The following XXYLT1 variants were observed in gnomAD, a reference collection of about 807,000 sequenced individuals.
The protein encoded by XXYLT1 is xyloside xylosyltransferase 1, also known as UDP-xylose:alpha-xyloside alpha-1,3-xylosyltransferase.
A neutral mutation model predicts 28.9 loss-of-function variants in XXYLT1; 20 were observed. The ratio of observed to expected loss-of-function variants is 0.69; its 90% CI spans 0.49 to 1.00. The LOEUF is 1.00. XXYLT1 is among the 50% of genes least tolerant of loss of function. XXYLT1 has a pLI of 0.00. For synonymous variants in XXYLT1, 257 were observed against 253.8 expected, an observed-to-expected ratio of 1.01 and a Z score of -0.12; for missense variants, 542 against 560.1, an observed-to-expected ratio of 0.97 and a Z score of 0.33.
At chr3:195,236,234 G>A (rs1218583098) in intron 1 of XXYLT1, among the ~76,000 whole-genome samples, 2 of 152,146 alleles carry the variant, frequency 1.3e-5, no homozygotes, top group Non-Finnish European at 2.9e-5. Context: ...CTGTGAGCCA[G>A]GGCCTGCAAT....
intron 2 of XXYLT1, among the ~76,000 whole-genome samples, chr3:195,190,493 C>CAAAA (rs57722997): frequency 8.6e-5 from 3 of 34,980 alleles, no homozygotes; most frequent in Non-Finnish European, 8.6e-5. Flanking sequence ...GACTCTGTCT[C>CAAAA]AAAAAAAAAA....
rs139342595 is a variant in XXYLT1, at chr3:195,113,872, T to C, written c.785+42577A>G. Among the ~76,000 whole-genome samples the C allele has an allele frequency of 2.5e-3, 387 of 152,226 alleles. 1 individual carries two copies. Among genetic ancestry groups the C allele is most frequent in the Admixed American group, 5.0e-3 (77 of 15,300 alleles). On this transcript the variant is annotated intron_variant, in intron 3 of 3. Coordinates refer to ENST00000310380, the MANE Select transcript of XXYLT1 (RefSeq NM_152531.5). ...TGAGGCCGGCGGGCAAAGAATGCTA[T>C]GAAGAAGGGGTGTCTGAGTTGGCCA...
chr3:195,144,335 C>T (rs1473571311), intron 3 of XXYLT1, among the ~76,000 whole-genome samples: 1 of 152,052 alleles, frequency 6.6e-6, no homozygotes, highest in Non-Finnish European at 1.5e-5. Flanking sequence ...TTTTTTCATC[C>T]ACAAATCTCT....
intron 1 of XXYLT1, among the ~76,000 whole-genome samples, chr3:195,231,346 A>C (rs1456373972): frequency 6.6e-6 from 1 of 151,832 alleles, no homozygotes; most frequent in Non-Finnish European, 1.5e-5. Flanking sequence ...GTGTAATTTG[A>C]CTTCTTCCTT....
intron 3 of XXYLT1, among the ~76,000 whole-genome samples, chr3:195,087,786 A>G (rs1008592391): frequency 4.6e-4 from 70 of 152,206 alleles, no homozygotes; most frequent in African/African-American, 1.5e-3. Context: ...TCATCTCACT[A>G]GGGAGTGCCA....
intron 2 of XXYLT1, among the ~76,000 whole-genome samples, chr3:195,223,124 T>A (rs572392818): frequency 6.6e-6 from 1 of 151,542 alleles, no homozygotes; most frequent in South Asian, 2.1e-4. Flanking sequence ...TCTCATCTAC[T>A]TGGGAGGCTG....
chr3:195,135,195 C>G (rs965955229), intron 3 of XXYLT1, among the ~76,000 whole-genome samples: 1 of 152,130 alleles, frequency 6.6e-6, no homozygotes, highest in Non-Finnish European at 1.5e-5. Context: ...ATGCTGCAGG[C>G]GGAATCCAAC....
intron 3 of XXYLT1, among the ~76,000 whole-genome samples, chr3:195,139,834 G>A (rs9839252): frequency 8.5e-4 from 129 of 152,300 alleles, no homozygotes; most frequent in African/African-American, 2.7e-3. Flanking sequence ...GGGTGGGCTG[G>A]GCTTGGCTGT....
In XXYLT1 at chr3:195,143,817, T is replaced by TAG. The variant is rs1360604074; in HGVS notation, c.785+12631_785+12632insCT. 3.0e-3 allele frequency among the ~76,000 whole-genome samples: 286 copies of TAG among 94,484 alleles called. 13 individuals carry two copies. Among genetic ancestry groups the TAG allele is most frequent in the African/African-American group, 0.013 (270 of 20,482 alleles). 62.0% of individuals were successfully genotyped at this position (94,484 alleles called of 152,430 possible). ...ATATATATAGATAGATATATATAGA[T>TAG]ATAGATATATATAGATATAGATATA... On this transcript the variant is annotated intron_variant, in intron 3 of 3. Transcript: ENST00000310380.
chr3:195,137,126 C>G (rs1285540666), intron 3 of XXYLT1, among the ~76,000 whole-genome samples: 1 of 152,118 alleles, frequency 6.6e-6, no homozygotes, highest in Non-Finnish European at 1.5e-5. Flanking sequence ...CATCAGCTTG[C>G]TGTGGGGGCC....
At chr3:195,127,548 G>A (rs1718699886) in intron 3 of XXYLT1, among the ~76,000 whole-genome samples, 1 of 152,164 alleles carries the variant, frequency 6.6e-6, no homozygotes, top group Admixed American at 6.5e-5. Flanking sequence ...GGCCGAGACA[G>A]GAGGATTACT....
At chr3:195,128,576 T>G (rs1718752044) in intron 3 of XXYLT1, among the ~76,000 whole-genome samples, 1 of 152,192 alleles carries the variant, frequency 6.6e-6, no homozygotes, top group Non-Finnish European at 1.5e-5. Flanking sequence ...GCTCCTGGAC[T>G]AAACTCTCAT....
intron 3 of XXYLT1, among the ~76,000 whole-genome samples, chr3:195,110,249 G>GTGTAT (rs1717482531): frequency 7.3e-4 from 1 of 1,366 alleles, no homozygotes; most frequent in South Asian, 0.026. Flanking sequence ...TGCGTGTGTG[G>GTGTAT]GTGAAGTGTG....
At chr3:195,202,784 T>C (rs1225206999) in intron 2 of XXYLT1, among the ~76,000 whole-genome samples, 1 of 152,238 alleles carries the variant, frequency 6.6e-6, no homozygotes, top group Admixed American at 6.5e-5. Flanking sequence ...AGAATTATTT[T>C]AGATAAATTC....
At chr3:195,228,091 G>A (rs1321359011) in intron 1 of XXYLT1, among the ~76,000 whole-genome samples, 1 of 152,208 alleles carries the variant, frequency 6.6e-6, no homozygotes, top group East Asian at 1.9e-4. Flanking sequence ...GTGCTCCTAA[G>A]AGTTCTGCAA....
chr3:195,247,967 C>T (rs1294932029), intron 1 of XXYLT1: 4 of 541,808 alleles, frequency 7.4e-6, no homozygotes, highest in East Asian at 3.3e-5. Flanking sequence ...AATCACCTCC[C>T]ACCAGGCCCT....
At chr3:195,242,075 G>T (rs960152721) in intron 1 of XXYLT1, among the ~76,000 whole-genome samples, 3 of 152,218 alleles carry the variant, frequency 2.0e-5, no homozygotes, top group Non-Finnish European at 4.4e-5. Context: ...TGCAGTGGAG[G>T]CTCTGTAAAT....
rs1718381239 is a variant in XXYLT1, at chr3:195,121,949, C to T, written c.785+34500G>A. On this transcript the variant is annotated intron_variant, in intron 3 of 3. Transcript: ENST00000310380. ...GACCCTACATTGTCATCCTCCATTC[C>T]TCTTGTCTTAGTTCAAGCTATTATA... The T allele has an allele frequency of 1.0e-5, 7 of 679,528 alleles. No homozygotes were observed. The East Asian group carries it at 1.3e-4, about 13-fold the overall frequency. The allele number at this position is 679,528 out of a possible 1,614,324, so 42.1% of individuals were successfully genotyped here.
chr3:195,143,477 C>T (rs974947493), intron 3 of XXYLT1, among the ~76,000 whole-genome samples: 3 of 152,024 alleles, frequency 2.0e-5, no homozygotes, highest in Non-Finnish European at 4.4e-5. Flanking sequence ...GAAAACAAAT[C>T]AGAACATCTG....
Sources: allele counts gnomAD v4.1 joint callset (sites outside exome capture counted in the v4.1 genomes callset), GRCh38; gene constraint gnomAD v4.1.1; transcripts MANE v1.5; gene names NCBI Gene and HGNC (gene_info 2026-07-23, HGNC 2026-07-21).